Variants in CABP5 observed in about 807,000 individuals in gnomAD.
CABP5 encodes calcium binding protein 5.
A neutral mutation model predicts 21.9 loss-of-function variants in CABP5; 17 were observed. The ratio of observed to expected loss-of-function variants is 0.78; its 90% CI spans 0.53 to 1.17. The LOEUF (loss-of-function observed/expected upper bound fraction) is 1.17. Ranked by LOEUF, CABP5 falls within the 50% of genes most tolerant of loss-of-function variation. The probability of loss-of-function intolerance (pLI) is 0.00; values close to 1 mark genes in which losing one functional copy is unlikely to be tolerated. For missense variants in CABP5, 229 were observed against 228.9 expected, an observed-to-expected ratio of 1.00 and a Z score of 0.00; for synonymous variants, 85 against 79.4, an observed-to-expected ratio of 1.07 and a Z score of -0.37.
At chr19:48,034,117 G>C (rs1300917209) in intron 5 of CABP5, 98 bp downstream of exon 5, 1 of 1,222,554 alleles carries the variant, frequency 8.2e-7, no homozygotes, top group East Asian at 2.8e-5. Context: ...TTGGAGAGGA[G>C]TGAGAAGGAG....
At chr19:48,041,378 A>G (rs1468691747) in intron 2 of CABP5, 195 bp downstream of exon 2, 4 of 616,166 alleles carry the variant, frequency 6.5e-6, no homozygotes, top group South Asian at 2.0e-5. Flanking sequence ...TTGAGGATGG[A>G]TATGCCTTCG....
chr19:48,038,627 G>A (rs1332378766), intron 4 of CABP5, among the ~76,000 whole-genome samples: 1 of 152,128 alleles, frequency 6.6e-6, no homozygotes, highest in African/African-American at 2.4e-5. Flanking sequence ...AGGAGTTCGA[G>A]ACCAGCCTGG....
intron 2 of CABP5, chr19:48,041,344 T>A: frequency 1.9e-6 from 1 of 539,958 alleles, no homozygotes; most frequent in Non-Finnish European, 3.2e-6. Flanking sequence ...CTCATTTGTT[T>A]TCACTCCTGA....
chr19:48,032,143 G>A (rs1967347207), intron 5 of CABP5, among the ~76,000 whole-genome samples: 1 of 151,994 alleles, frequency 6.6e-6, no homozygotes, highest in Non-Finnish European at 1.5e-5. Flanking sequence ...CTGAGGGATG[G>A]ATGAGACTGA....
chr19:48,031,903 G>A (rs11879076), intron 5 of CABP5, among the ~76,000 whole-genome samples: 45,481 of 147,992 alleles, frequency 0.31, 7,769 homozygotes, highest in Non-Finnish European at 0.39. Flanking sequence ...AGCCTCTACT[G>A]TGTTTCCATA....
chr19:48,043,018 T>G (rs184235771), intron 1 of CABP5, among the ~76,000 whole-genome samples: 1 of 144,658 alleles, frequency 6.9e-6, no homozygotes, highest in African/African-American at 2.6e-5. Flanking sequence ...GCCACTTACT[T>G]TTTTTTAACG....
rs184235771 is a variant in CABP5 at position 48,043,018 on chromosome 19, T to C, written c.63+842A>G. The stretch of plus-strand genomic sequence containing the variant: ...AGCAAACCCGACCCTGCCACTTACT[T>C]TTTTTTAACGAGACAAAGTCTCACT... On this transcript the variant is annotated intron_variant, in intron 1 of 5. Coordinates refer to ENST00000293255, the MANE Select transcript of CABP5 (RefSeq NM_019855.5). 8.3e-5 allele frequency among the ~76,000 whole-genome samples: 12 copies of C among 144,658 alleles called. No individual in the cohort carries two copies. The East Asian group carries it at 2.5e-3, about 30-fold the overall frequency. 94.9% of individuals were successfully genotyped at this position (144,658 alleles called of 152,430 possible).
At chr19:48,038,058 C>G (rs1027561649) in intron 4 of CABP5, among the ~76,000 whole-genome samples, 1 of 152,108 alleles carries the variant, frequency 6.6e-6, no homozygotes, top group Non-Finnish European at 1.5e-5. Flanking sequence ...GGATTACAGG[C>G]GCCCACCACC....
At position 48,039,336 on chromosome 19, in the gene CABP5, G is replaced by T; in HGVS notation, c.239-19C>A. 2 of 1,591,006 alleles carry T rather than the reference G, an allele frequency of 1.3e-6. No homozygotes were observed. Among genetic ancestry groups the T allele is most frequent in the South Asian group, 1.1e-5 (1 of 90,596 alleles). On this transcript the variant is annotated intron_variant, in intron 3 of 5. Transcript: ENST00000293255. ...CCACCCACTGAGGAAGATGGCACAGGATTAGCGAGACCCCACAAGCCCTGG... is the reference window on the plus strand; with the variant it reads ...CCACCCACTGAGGAAGATGGCACAGTATTAGCGAGACCCCACAAGCCCTGG...
rs745733671 is a variant in CABP5 at position 48,029,512 on chromosome 19, C to T, written c.*1045G>A. On this transcript the variant is annotated 3_prime_UTR_variant, in exon 6 of 6. Coordinates refer to ENST00000293255, the MANE Select transcript of CABP5 (RefSeq NM_019855.5). ...CAGATCGATGTCAGGACGTGAGGGA[C>T]GGAACAGACGACCCATCTAACAGAG... Among the ~76,000 whole-genome samples, 12 of 152,104 alleles carry T rather than the reference C, an allele frequency of 7.9e-5. No homozygotes were observed. Among genetic ancestry groups the T allele is most frequent in the South Asian group, 2.1e-4 (1 of 4,806 alleles).
chr19:48,030,459 C>G lies in CABP5; in HGVS notation c.*98G>C. The G allele has an allele frequency of 1.5e-6, 2 of 1,298,218 alleles. No individual in the cohort carries two copies. The highest frequency in any genetic ancestry group is 1.1e-6 in the Non-Finnish European group (1 of 922,890). The allele number at this position is 1,298,218 out of a possible 1,614,324, so 80.4% of individuals were successfully genotyped here. On this transcript the variant is annotated 3_prime_UTR_variant, in exon 6 of 6. Coordinates refer to ENST00000293255, the MANE Select transcript of CABP5 (RefSeq NM_019855.5). ...CCTCCCTCCCGCCTGCCCTCCCTCT[C>G]TGCTTTAAGGGGATCTGGGGCTTTT...
In CABP5 at chr19:48,029,838, A is replaced by AGAGAG. The variant is rs1967317498; in HGVS notation, c.*718_*719insCTCTC. ...AGAGAGAGAGAGAGAGAGAGAGAGA[A>AGAGAG]ACCAGACAGTGCTTCCAGGAAATCA... is the stretch of plus-strand genomic sequence containing the variant. On this transcript the variant is annotated 3_prime_UTR_variant, in exon 6 of 6. Coordinates refer to ENST00000293255, the MANE Select transcript of CABP5 (RefSeq NM_019855.5). 2.9e-5 allele frequency: 2 copies of AGAGAG among 68,662 alleles called. No individual in the cohort carries two copies. The highest frequency in any genetic ancestry group is 6.8e-5 in the Non-Finnish European group (2 of 29,516). The allele number at this position is 68,662 out of a possible 1,614,324, so 4.3% of individuals were successfully genotyped here. A position where few individuals can be genotyped will look rare whatever the true frequency, so the allele number is the denominator to read the frequency against.
At chr19:48,038,277 T>A (rs1384710853) in intron 4 of CABP5, among the ~76,000 whole-genome samples, 3 of 152,136 alleles carry the variant, frequency 2.0e-5, no homozygotes, top group Non-Finnish European at 4.4e-5. Context: ...GGAGGCCTCC[T>A]AGGATTTGAA....
chr19:48,040,738 T>C lies in CABP5; in HGVS notation c.105A>G (p.Glu35=). The change falls in exon 3 of 6, where the codon GAA becomes GAG. Residue 35 remains glutamate (E), a synonymous_variant. Coordinates refer to ENST00000293255, the MANE Select transcript of CABP5 (RefSeq NM_019855.5). ...GGTCCTTATCGAACTCAAGAAATGC[T>C]TCCCGCAGCTCTGAAAGTTAAGAGA... The part of the protein sequence containing the change: ...LGQDEIEELR[E]AFLEFDKDRD... 6.2e-7 allele frequency: 1 copy of C among 1,613,990 alleles called. No homozygotes were observed.
At position 48,043,900 on chromosome 19, in the gene CABP5, G is replaced by A. The variant is rs754318855; in HGVS notation, c.23C>T (p.Ala8Val). The part of the protein sequence containing the change: MQFPMGP[A>V]CIFLRKGIAE... ...AATGCCTTTCCTCAAGAAGATGCAGGCGGGGCCCATGGGGAACTGCATGGA... is the reference window on the plus strand; with the variant it reads ...AATGCCTTTCCTCAAGAAGATGCAGACGGGGCCCATGGGGAACTGCATGGA... Residue 8 changes from alanine to valine, a missense_variant, in exon 1 of 6, where the codon GCC (alanine) becomes GTC (valine). Coordinates refer to ENST00000293255, the MANE Select transcript of CABP5 (RefSeq NM_019855.5). 1 of 1,501,210 alleles carries A rather than the reference G, an allele frequency of 6.7e-7. No individual in the cohort carries two copies. The highest frequency in any genetic ancestry group is 8.8e-7 in the Non-Finnish European group (1 of 1,130,592). The allele number at this position is 1,501,210 out of a possible 1,614,324, so 93.0% of individuals were successfully genotyped here.
At position 48,029,624 on chromosome 19, in the gene CABP5, G is replaced by A. The variant is rs550458948; in HGVS notation, c.*933C>T. Among the ~76,000 whole-genome samples the A allele has an allele frequency of 4.8e-4, 73 of 152,258 alleles. No homozygotes were observed. The highest frequency in any genetic ancestry group is 9.3e-4 in the Non-Finnish European group (63 of 68,010). ...TTTGCAACAACCTGGCTGAACTGGG[G>A]ATTTGGGGGATCCTGTCATCTCTCT... On this transcript the variant is annotated 3_prime_UTR_variant, in exon 6 of 6. Transcript: ENST00000293255.
At position 48,039,224 on chromosome 19, in the gene CABP5, C is replaced by T. The variant is rs34362586; in HGVS notation, c.332G>A (p.Arg111Gln). The T allele has an allele frequency of 2.8e-3, 4,460 of 1,613,640 alleles. 54 individuals carry two copies. The African/African-American group carries it at 0.033, about 12-fold the overall frequency. ...TTAACTCACCTCCTTGAAGGCATCC[C>T]GCATCTCCTGGACACCGATCATCCC... is the stretch of plus-strand genomic sequence containing the variant. ...TAGMIGVQEM[R>Q]DAFKEFDTNG... Residue 111 changes from arginine to glutamine, a missense_variant, in exon 4 of 6, where the codon CGG (arginine) becomes CAG (glutamine). Physicochemically the swap from Arg to Gln is conservative, Grantham distance 43. Transcript: ENST00000293255.
chr19:48,030,730 A>C, intron 5 of CABP5, 148 bp from the exon 6 acceptor site: 1 of 773,112 alleles, frequency 1.3e-6, no homozygotes, highest in South Asian at 1.7e-5. Context: ...TCCATCTATG[A>C]AATGGGAATC....
At chr19:48,031,479 G>A (rs932526752) in intron 5 of CABP5, among the ~76,000 whole-genome samples, 6 of 152,162 alleles carry the variant, frequency 3.9e-5, no homozygotes, top group Non-Finnish European at 2.9e-5. Context: ...GGTGGAGGTT[G>A]CAGTGAGCCA....
Sources: gnomAD v4.1 joint callset for allele counts (sites outside exome capture counted in the v4.1 genomes callset) on GRCh38, gnomAD v4.1.1 for gene constraint, MANE v1.5 for transcripts, NCBI Gene and HGNC (gene_info 2026-07-23, HGNC 2026-07-21) for gene names.